The following ANKS1B variants were observed in gnomAD, a reference collection of about 807,000 sequenced individuals.
The protein encoded by ANKS1B is ankyrin repeat and sterile alpha motif domain-containing protein 1B.
In ANKS1B, 36 loss-of-function variants were observed where a neutral mutation model predicts 148.3. That is an observed-to-expected ratio of 0.24 (90% CI 0.19 to 0.32). The LOEUF is 0.32. ANKS1B is among the 10% of genes least tolerant of loss of function. ANKS1B has a pLI of 1.00. For synonymous variants in ANKS1B, 542 were observed against 560.8 expected (o/e 0.97, Z 0.47); for missense variants, 1,157 against 1,542.6 (o/e 0.75, Z 4.19).
chr12:99,036,819 G>C (rs1238947349), intron 17 of ANKS1B, among the ~76,000 whole-genome samples: 1 of 152,144 alleles, frequency 6.6e-6, no homozygotes, highest in African/African-American at 2.4e-5. Flanking sequence ...AAGATTACAT[G>C]TTACATGCCA....
At chr12:98,802,594 C>CTTTTTTTTTTTTTTTTTTTTTTTT (rs397850118) in intron 20 of ANKS1B, among the ~76,000 whole-genome samples, 1 of 34,758 alleles carries the variant, frequency 2.9e-5, no homozygotes, top group African/African-American at 1.1e-4. Context: ...AATGCACAGG[C>CTTTTTTTTTTTTTTTTTTTTTTTT]TTTTTTTTTT....
At chr12:99,758,542 T>A (rs56232728) in intron 8 of ANKS1B, among the ~76,000 whole-genome samples, 66,735 of 151,078 alleles carry the variant, frequency 0.44, 15,022 homozygotes, top group South Asian at 0.61. Flanking sequence ...TTTTTCATAT[T>A]AAAAAAATCT....
chr12:98,850,459 A>ATTTT (rs59294440), intron 17 of ANKS1B, among the ~76,000 whole-genome samples: 18,130 of 70,444 alleles, frequency 0.26, 5,339 homozygotes, highest in South Asian at 0.43. Flanking sequence ...GAAGCATTGC[A>ATTTT]TTTTTTTTTT....
chr12:98,945,066 G>C (rs2099842985), intron 17 of ANKS1B, among the ~76,000 whole-genome samples: 1 of 152,144 alleles, frequency 6.6e-6, no homozygotes. Context: ...TCAGTGACTG[G>C]AGATCCACAG....
chr12:98,986,427 G>A (rs1345590461), intron 17 of ANKS1B, among the ~76,000 whole-genome samples: 1 of 151,542 alleles, frequency 6.6e-6, no homozygotes, highest in Non-Finnish European at 1.5e-5. Context: ...AATTTTTATT[G>A]TCTTATCTTC....
intron 9 of ANKS1B, among the ~76,000 whole-genome samples, chr12:99,573,569 C>T (rs998451042): frequency 2.0e-5 from 3 of 151,996 alleles, no homozygotes; most frequent in Non-Finnish European, 4.4e-5. Context: ...AAATCTAATT[C>T]CCTGCCTATT....
chr12:98,800,673 G>GAGAGAT, intron 21 of ANKS1B, among the ~76,000 whole-genome samples: 1 of 13,734 alleles, frequency 7.3e-5, no homozygotes, highest in Admixed American at 1.1e-3. Context: ...TGAGTGAGCA[G>GAGAGAT]AGATATATAT....
intron 17 of ANKS1B, among the ~76,000 whole-genome samples, chr12:98,836,317 G>T (rs572770072): frequency 6.6e-6 from 1 of 152,076 alleles, no homozygotes; most frequent in Non-Finnish European, 1.5e-5. Context: ...AAAGCTACAG[G>T]CTACAAGGGC....
At chr12:98,743,413 T>C (rs185834178), downstream of ANKS1B, among the ~76,000 whole-genome samples, 252 of 152,350 alleles carry the variant, frequency 1.7e-3, no homozygotes, top group Non-Finnish European at 2.9e-3. Flanking sequence ...AAGTCCTTTT[T>C]TGAGTAATGA....
At chr12:99,621,956 T>C (rs1323934899) in intron 9 of ANKS1B, among the ~76,000 whole-genome samples, 1 of 152,058 alleles carries the variant, frequency 6.6e-6, no homozygotes, top group Admixed American at 6.6e-5. Flanking sequence ...ATATACATTC[T>C]ACCTGTCTAC....
chr12:99,960,012 G>T (rs1299104936), intron 1 of ANKS1B, among the ~76,000 whole-genome samples: 2 of 152,130 alleles, frequency 1.3e-5, no homozygotes, highest in African/African-American at 4.8e-5. Context: ...ACTGAAGCAT[G>T]TCCACCAACT....
At chr12:99,692,441 T>TG (rs2053234589) in intron 8 of ANKS1B, among the ~76,000 whole-genome samples, 1 of 151,484 alleles carries the variant, frequency 6.6e-6, no homozygotes, top group African/African-American at 2.4e-5. Context: ...GAGGCTGAGG[T>TG]GGGAGGATCA....
intron 14 of ANKS1B, among the ~76,000 whole-genome samples, chr12:99,167,072 T>A (rs77153683): frequency 0.015 from 2,316 of 152,056 alleles, 48 homozygotes; most frequent in African/African-American, 0.053. Flanking sequence ...CCAAAAAAAA[T>A]TTAATCCATA....
intron 12 of ANKS1B, among the ~76,000 whole-genome samples, chr12:99,287,965 A>C (rs991726883): frequency 1.3e-5 from 2 of 152,164 alleles, no homozygotes; most frequent in African/African-American, 2.4e-5. Flanking sequence ...CTTTAAGAGG[A>C]GGTAAAGAGA....
intron 9 of ANKS1B, among the ~76,000 whole-genome samples, chr12:99,647,228 G>C (rs765671217): frequency 2.0e-5 from 3 of 152,084 alleles, no homozygotes; most frequent in Non-Finnish European, 4.4e-5. Context: ...AAAAAGGTCA[G>C]GGATATCTTT....
At chr12:99,326,188 G>A (rs2086269912) in intron 12 of ANKS1B, among the ~76,000 whole-genome samples, 1 of 152,066 alleles carries the variant, frequency 6.6e-6, no homozygotes, top group African/African-American at 2.4e-5. Context: ...TGAGACTGGG[G>A]TGGGGACACA....
chr12:98,938,507 A>C (rs2099825527), intron 17 of ANKS1B, among the ~76,000 whole-genome samples: 1 of 152,212 alleles, frequency 6.6e-6, no homozygotes, highest in Non-Finnish European at 1.5e-5. Flanking sequence ...AGGGCTGAGA[A>C]CCATTGTTTC....
At chr12:99,423,498 G>T (rs1594522016) in intron 11 of ANKS1B, among the ~76,000 whole-genome samples, 1 of 152,180 alleles carries the variant, frequency 6.6e-6, no homozygotes, top group East Asian at 1.9e-4. Flanking sequence ...GTACCCAAAA[G>T]AATATAAATC....
chr12:99,284,505 C>T (rs1016893844), intron 12 of ANKS1B, among the ~76,000 whole-genome samples: 2 of 152,100 alleles, frequency 1.3e-5, no homozygotes, highest in Non-Finnish European at 2.9e-5. Context: ...TTTAACAATC[C>T]CGAAAGCCAT....
Sources: allele counts gnomAD v4.1 joint callset (sites outside exome capture counted in the v4.1 genomes callset), GRCh38; gene constraint gnomAD v4.1.1; transcripts MANE v1.5; gene names NCBI Gene and HGNC (gene_info 2026-07-23, HGNC 2026-07-21).